Variants in ARMH4 observed in about 807,000 individuals in gnomAD.
ARMH4 encodes the protein armadillo-like helical domain-containing protein 4.
Under a neutral mutation model 61.9 loss-of-function variants are expected in ARMH4, and 49 were observed. That is an observed-to-expected ratio of 0.79 (90% confidence interval 0.63 to 1.00). ARMH4 has a LOEUF of 1.00. ARMH4 is among the 50% of genes least tolerant of loss of function. The pLI, the probability that ARMH4 is intolerant of heterozygous loss-of-function variation, is 0.00. For missense variants in ARMH4, 934 were observed against 930.0 expected (o/e 1.00, Z -0.06); for synonymous variants, 368 against 341.5 (o/e 1.08, Z -0.85).
At chr14:58,024,870 A>T (rs1882968304) in intron 5 of ARMH4, among the ~76,000 whole-genome samples, 1 of 152,168 alleles carries the variant, frequency 6.6e-6, no homozygotes, top group Non-Finnish European at 1.5e-5. Context: ...GAACACACAC[A>T]ACATCTATCA....
At chr14:58,110,467 T>A (rs1294425488) in intron 4 of ARMH4, among the ~76,000 whole-genome samples, 1 of 152,192 alleles carries the variant, frequency 6.6e-6, no homozygotes, top group African/African-American at 2.4e-5. Flanking sequence ...GGGAGCTTTC[T>A]AAAGGTTAAA....
intron 5 of ARMH4, among the ~76,000 whole-genome samples, chr14:58,041,733 T>A (rs1883712479): frequency 6.6e-6 from 1 of 151,662 alleles, no homozygotes; most frequent in Non-Finnish European, 1.5e-5. Context: ...AGGATCAAAA[T>A]AAAGGGATGG....
chr14:58,111,258 T>C (rs865880012), intron 4 of ARMH4, among the ~76,000 whole-genome samples: 1 of 152,176 alleles, frequency 6.6e-6, no homozygotes, highest in South Asian at 2.1e-4. Flanking sequence ...AAAGCTGTTT[T>C]AGTATTCAAA....
chr14:58,022,952 G>A (rs780285002), intron 5 of ARMH4, among the ~76,000 whole-genome samples: 1 of 152,196 alleles, frequency 6.6e-6, no homozygotes, highest in Admixed American at 6.5e-5. Context: ...GTAAGTATGA[G>A]ATTGCATTAT....
Position 58,097,093 on chromosome 14 carries a change from AAC to A in ARMH4, c.1832-114_1832-113del, listed in dbSNP as rs1339582522. The A allele has an allele frequency of 6.0e-6, 7 of 1,175,262 alleles. No individual in the cohort carries two copies. In the African/African-American group the frequency reaches 1.1e-4, roughly 18 times the overall value. The allele number at this position is 1,175,262 out of a possible 1,614,324, so 72.8% of individuals were successfully genotyped here. ...ACAAAATAATTGTTTGGCCTTTTGA[AAC>A]ACATCTTTATAGCCAAAGTCAGACA... On this transcript the variant is annotated intron_variant, in intron 4 of 7. Transcript: ENST00000267485.
At chr14:58,109,190 A>G (rs1405056836) in intron 4 of ARMH4, among the ~76,000 whole-genome samples, 1 of 152,202 alleles carries the variant, frequency 6.6e-6, no homozygotes, top group East Asian at 1.9e-4. Context: ...TTTTATGGTT[A>G]GCAATTTTTG....
At chr14:58,144,740 C>A (rs376882788) in intron 1 of ARMH4, among the ~76,000 whole-genome samples, 1 of 151,882 alleles carries the variant, frequency 6.6e-6, no homozygotes, top group African/African-American at 2.4e-5. Flanking sequence ...TGGTGGCGGG[C>A]GCCTGTAGTC....
chr14:58,057,559 T>C (rs1884384803), intron 5 of ARMH4, among the ~76,000 whole-genome samples: 1 of 136,188 alleles, frequency 7.3e-6, no homozygotes, highest in African/African-American at 3.2e-5. Context: ...AAAGGGTGTG[T>C]GTGTGTGTGT....
intron 5 of ARMH4, among the ~76,000 whole-genome samples, chr14:58,025,989 A>C (rs1004899574): frequency 2.0e-5 from 3 of 152,102 alleles, no homozygotes; most frequent in Non-Finnish European, 2.9e-5. Context: ...AAGTAATATT[A>C]AGAATGTCTT....
chr14:58,112,755 G>C (rs1404386527), intron 4 of ARMH4, among the ~76,000 whole-genome samples: 1 of 152,044 alleles, frequency 6.6e-6, no homozygotes, highest in Non-Finnish European at 1.5e-5. Flanking sequence ...CATATTTCTA[G>C]GTTATTCGTT....
intron 4 of ARMH4, among the ~76,000 whole-genome samples, chr14:58,099,574 A>G (rs1421879183): frequency 2.0e-5 from 3 of 152,234 alleles, no homozygotes; most frequent in Admixed American, 2.0e-4. Flanking sequence ...AGATTAGAAA[A>G]GAAGACACAA....
At chr14:58,057,555 T>G (rs1321993593) in intron 5 of ARMH4, among the ~76,000 whole-genome samples, 1 of 135,150 alleles carries the variant, frequency 7.4e-6, no homozygotes, top group Non-Finnish European at 1.5e-5. Flanking sequence ...TTCCAAAGGG[T>G]GTGTGTGTGT....
At chr14:58,046,167 A>T in intron 5 of ARMH4, among the ~76,000 whole-genome samples, 1 of 152,184 alleles carries the variant, frequency 6.6e-6, no homozygotes, top group Admixed American at 6.5e-5. Flanking sequence ...ATTCCTGTCC[A>T]GCCTTGTTGC....
chr14:58,149,599 T>A (rs748435167), intron 1 of ARMH4, among the ~76,000 whole-genome samples: 2 of 152,226 alleles, frequency 1.3e-5, no homozygotes, highest in Non-Finnish European at 2.9e-5. Context: ...AAATTAGTGA[T>A]GTAGACAAAT....
intron 4 of ARMH4, chr14:58,101,482 A>G (rs1175481473): frequency 6.6e-6 from 1 of 152,256 alleles, no homozygotes; most frequent in East Asian, 1.9e-4. Context: ...AAAGGAAATG[A>G]ATCTGCTGCA....
At chr14:58,137,346 C>T (rs1437638063) in intron 2 of ARMH4, among the ~76,000 whole-genome samples, 1 of 152,138 alleles carries the variant, frequency 6.6e-6, no homozygotes, top group Non-Finnish European at 1.5e-5. Context: ...AAACTATCCC[C>T]AGTTAAAGAA....
chr14:58,133,846 G>A (rs986295807), intron 2 of ARMH4, among the ~76,000 whole-genome samples: 6 of 152,164 alleles, frequency 3.9e-5, no homozygotes, highest in Admixed American at 3.3e-4. Context: ...CGAAGTGCAT[G>A]ACATATAGTA....
chr14:58,089,836 G>A (rs1307245093), intron 5 of ARMH4, among the ~76,000 whole-genome samples: 3 of 152,168 alleles, frequency 2.0e-5, no homozygotes, highest in African/African-American at 7.2e-5. Flanking sequence ...GGTGATAAGT[G>A]ATAATTCAGT....
intron 5 of ARMH4, among the ~76,000 whole-genome samples, chr14:58,023,860 C>G (rs1882930358): frequency 6.6e-6 from 1 of 152,184 alleles, no homozygotes. Flanking sequence ...TCTTGGGTAA[C>G]TAGGTACATT....
Sources: gnomAD v4.1 joint callset for allele counts (sites outside exome capture counted in the v4.1 genomes callset) on GRCh38, gnomAD v4.1.1 for gene constraint, MANE v1.5 for transcripts, NCBI Gene and HGNC (gene_info 2026-07-23, HGNC 2026-07-21) for gene names.